The following ERCC6L2 variants were observed in gnomAD, a reference collection of about 807,000 sequenced individuals.
ERCC6L2 encodes the protein DNA excision repair protein ERCC-6-like 2.
Under a neutral mutation model 132.0 loss-of-function variants are expected in ERCC6L2, and 77 were observed. That is an observed-to-expected ratio of 0.58 (90% CI 0.49 to 0.71). ERCC6L2 has a LOEUF of 0.71. Among genes scored for constraint, ERCC6L2 ranks in the 30% least tolerant of loss-of-function variants. The probability of loss-of-function intolerance (pLI) is 0.00; values close to 1 mark genes in which losing one functional copy is unlikely to be tolerated. For synonymous variants in ERCC6L2, 583 were observed against 632.4 expected (o/e 0.92, Z 1.17); for missense variants, 1,542 against 1,837.6 (o/e 0.84, Z 2.94).
intron 2 of ERCC6L2, among the ~76,000 whole-genome samples, chr9:95,885,910 C>T (rs1827839761): frequency 6.6e-6 from 1 of 152,184 alleles, no homozygotes; most frequent in Admixed American, 6.5e-5. Context: ...AGCCTTTGCT[C>T]AGACGGTGTG....
chr9:96,012,932 A>T lies in ERCC6L2; in HGVS notation c.4382A>T (p.Lys1461Met), dbSNP rs1480173575. 60 of 1,367,424 alleles carry T rather than the reference A, an allele frequency of 4.4e-5. No homozygotes were observed. Among genetic ancestry groups the T allele is most frequent in the Non-Finnish European group, 5.7e-5 (58 of 1,021,752 alleles). The allele number at this position is 1,367,424 out of a possible 1,614,324, so 84.7% of individuals were successfully genotyped here. ...SHGNSPTQLP[K>M]KVLSGPMEKA... ...GGGAACAGTCCCACACAACTGCCAA[A>T]GAAAGTTCTTTCAGGGCCCATGGAA... is the stretch of plus-strand genomic sequence containing the variant. Residue 1461 changes from lysine to methionine, a missense_variant, in exon 19 of 19, where the codon AAG becomes ATG. Transcript: ENST00000653738.
chr9:95,953,865 C>A (rs2132970340), intron 12 of ERCC6L2, among the ~76,000 whole-genome samples: 1 of 152,116 alleles, frequency 6.6e-6, no homozygotes, highest in African/African-American at 2.4e-5. Context: ...AACACTTAAG[C>A]AGAAAGGCCA....
chr9:95,936,978 T>A (rs1027581147), intron 11 of ERCC6L2, among the ~76,000 whole-genome samples: 1 of 152,212 alleles, frequency 6.6e-6, no homozygotes, highest in East Asian at 1.9e-4. Flanking sequence ...TTATTGCTCT[T>A]AGTATTCATG....
At chr9:95,974,459 A>G (rs1293954779) in intron 16 of ERCC6L2, among the ~76,000 whole-genome samples, 1 of 152,190 alleles carries the variant, frequency 6.6e-6, no homozygotes, top group Non-Finnish European at 1.5e-5. Context: ...ATAGAGGGGA[A>G]TCTCTGACAT....
intron 19 of ERCC6L2, chr9:96,027,986 C>T (rs556510785): frequency 2.0e-5 from 3 of 152,352 alleles, no homozygotes; most frequent in African/African-American, 4.8e-5. Context: ...CTGGATTCTC[C>T]GCTTTCTAGG....
chr9:95,884,145 G>A (rs1827741731), intron 2 of ERCC6L2, among the ~76,000 whole-genome samples: 1 of 152,174 alleles, frequency 6.6e-6, no homozygotes, highest in Non-Finnish European at 1.5e-5. Flanking sequence ...TGCTGTTAGT[G>A]TGCTGTGCAA....
chr9:95,968,265 C>A (rs1468047125), intron 14 of ERCC6L2: 24 of 152,092 alleles, frequency 1.6e-4, no homozygotes, highest in Admixed American at 1.6e-3. Flanking sequence ...TTAAAAATAT[C>A]TTTTAAGTTC....
chr9:95,985,194 C>G (rs1833051144), intron 17 of ERCC6L2, among the ~76,000 whole-genome samples: 2 of 152,170 alleles, frequency 1.3e-5, no homozygotes, highest in African/African-American at 4.8e-5. Flanking sequence ...TGTTACTTAC[C>G]TCATGTGGAT....
chr9:95,911,439 T>A (rs1228743089), intron 4 of ERCC6L2, among the ~76,000 whole-genome samples: 1 of 152,136 alleles, frequency 6.6e-6, no homozygotes, highest in African/African-American at 2.4e-5. Context: ...CTGATTGTTA[T>A]AAATATTGTT....
At chr9:95,926,705 C>T (rs1189187947) in intron 9 of ERCC6L2, among the ~76,000 whole-genome samples, 1 of 152,030 alleles carries the variant, frequency 6.6e-6, no homozygotes, top group Non-Finnish European at 1.5e-5. Flanking sequence ...ATGGTAGATA[C>T]ATGTCATGAT....
intron 19 of ERCC6L2, among the ~76,000 whole-genome samples, chr9:96,036,379 C>A (rs924864781): frequency 6.6e-6 from 1 of 152,238 alleles, no homozygotes; most frequent in Non-Finnish European, 1.5e-5. Context: ...GAAATTCCTT[C>A]CTTTTTAAGG....
intron 12 of ERCC6L2, among the ~76,000 whole-genome samples, chr9:95,950,402 A>G (rs1831275085): frequency 1.3e-5 from 2 of 152,184 alleles, no homozygotes; most frequent in Admixed American, 1.3e-4. Flanking sequence ...TTAAACACAA[A>G]GGAAGGCAGT....
chr9:95,912,562 G>C (rs181842228), intron 4 of ERCC6L2, among the ~76,000 whole-genome samples: 1 of 152,232 alleles, frequency 6.6e-6, no homozygotes, highest in African/African-American at 2.4e-5. Context: ...CCTAAAACTA[G>C]TGATACTTCT....
At chr9:95,925,802 AAAAC>A (rs1830074108) in intron 9 of ERCC6L2, among the ~76,000 whole-genome samples, 1 of 151,912 alleles carries the variant, frequency 6.6e-6, no homozygotes, top group Non-Finnish European at 1.5e-5. Context: ...TTAAGAATGA[AAAAC>A]AAACCACAGA....
Position 95,970,556 on chromosome 9 carries a change from C to A in ERCC6L2, c.2101-20C>A. ...CCTGTGTTGCATAGCTATTTGCATT[C>A]TTTCTTACTGACATTATAGAGAGAA... On this transcript the variant is annotated intron_variant, in intron 14 of 18. Transcript: ENST00000653738. The A allele has an allele frequency of 7.7e-7, 1 of 1,294,016 alleles. No individual in the cohort carries two copies. Among genetic ancestry groups the A allele is most frequent in the South Asian group, 1.2e-5 (1 of 80,102 alleles). The allele number at this position is 1,294,016 out of a possible 1,614,324, so 80.2% of individuals were successfully genotyped here.
At chr9:95,923,199 A>T in intron 8 of ERCC6L2, 61 bp from the exon 9 acceptor site, 1 of 1,533,534 alleles carries the variant, frequency 6.5e-7, no homozygotes, top group Non-Finnish European at 8.8e-7. Context: ...AATTATTTCA[A>T]TTTATACAGG....
In ERCC6L2 at chr9:95,922,415, A is replaced by G. The variant is rs371832920; in HGVS notation, c.1410A>G (p.Gln470=). ...TGCAAGCTGCTAGTACTTCCAAACA[A>G]CAGGTTTGGTTAGCATTTTACATTT... The part of the protein sequence containing the change: ...ALLQAASTSK[Q]QETLIKRICD... Residue 470 remains glutamine (Q), a synonymous_variant, in exon 8 of 19, where the codon CAA becomes CAG. Transcript: ENST00000653738. 1.8e-5 allele frequency: 29 copies of G among 1,579,262 alleles called. No homozygotes were observed. Among genetic ancestry groups the G allele is most frequent in the Non-Finnish European group, 2.5e-5 (29 of 1,149,398 alleles).
intron 17 of ERCC6L2, 141 bp downstream of exon 17, chr9:95,978,356 A>AC: frequency 2.4e-6 from 1 of 420,070 alleles, no homozygotes; most frequent in South Asian, 2.9e-5. Context: ...AAATCAAAAC[A>AC]CCATTTGGGA....
intron 2 of ERCC6L2, among the ~76,000 whole-genome samples, chr9:95,885,796 C>G (rs953125897): frequency 6.6e-6 from 1 of 151,896 alleles, no homozygotes; most frequent in Non-Finnish European, 1.5e-5. Context: ...TCCGGGGTCT[C>G]ACTGCAGACA....
Sources: gnomAD v4.1 joint callset for allele counts (sites outside exome capture counted in the v4.1 genomes callset) on GRCh38, gnomAD v4.1.1 for gene constraint, MANE v1.5 for transcripts, NCBI Gene and HGNC (gene_info 2026-07-23, HGNC 2026-07-21) for gene names.